Variants in BBS9 observed in about 807,000 individuals in gnomAD.
The protein encoded by BBS9 is protein PTHB1.
BBS9 carries 89 observed loss-of-function variants against 117.7 expected under a neutral mutation model. The ratio of observed to expected loss-of-function variants is 0.76; its 90% CI spans 0.64 to 0.90. The LOEUF (loss-of-function observed/expected upper bound fraction) is 0.90, where lower values mean the gene tolerates loss of function less well. Among genes scored for constraint, BBS9 ranks in the 40% least tolerant of loss-of-function variants. BBS9 has a pLI of 0.00. For missense variants in BBS9, 982 were observed against 1,042.2 expected (o/e 0.94, Z 0.80); for synonymous variants, 379 against 370.9 (o/e 1.02, Z -0.25).
intron 21 of BBS9, among the ~76,000 whole-genome samples, chr7:33,580,154 G>T (rs1859633933): frequency 6.6e-6 from 1 of 151,788 alleles, no homozygotes; most frequent in Non-Finnish European, 1.5e-5. Flanking sequence ...GCCTCTGCTG[G>T]TTAGGTGACT....
At chr7:33,372,747 A>G (rs1047181369) in intron 17 of BBS9, among the ~76,000 whole-genome samples, 1 of 152,094 alleles carries the variant, frequency 6.6e-6, no homozygotes, top group African/African-American at 2.4e-5. Flanking sequence ...TCTTCTTTAA[A>G]TGTTTGATGG....
At chr7:33,347,304 T>C (rs1247295820) in intron 12 of BBS9, among the ~76,000 whole-genome samples, 5 of 152,078 alleles carry the variant, frequency 3.3e-5, no homozygotes, top group African/African-American at 1.2e-4. Context: ...ACTAGTATTA[T>C]ATTATTATAA....
At chr7:33,261,836 C>G (rs1455674797) in intron 6 of BBS9, among the ~76,000 whole-genome samples, 1 of 152,162 alleles carries the variant, frequency 6.6e-6, no homozygotes, top group African/African-American at 2.4e-5. Context: ...CCTTTCTGTT[C>G]TGAGAGACAT....
chr7:33,542,701 G>A (rs200989132), intron 21 of BBS9, among the ~76,000 whole-genome samples: 17,388 of 50,510 alleles, frequency 0.34, 1,228 homozygotes, highest in African/African-American at 0.49. Flanking sequence ...TTATATATAT[G>A]TGTGTGTGTG....
intron 15 of BBS9, among the ~76,000 whole-genome samples, chr7:33,356,623 C>A (rs1357527283): frequency 6.6e-6 from 1 of 151,818 alleles, no homozygotes; most frequent in Admixed American, 6.6e-5. Flanking sequence ...TAATTGACCT[C>A]ATATATCAAT....
intron 21 of BBS9, among the ~76,000 whole-genome samples, chr7:33,627,739 C>A (rs2700679): frequency 0.98 from 148,873 of 152,284 alleles, 72,884 homozygotes; most frequent in Middle Eastern, 1. Flanking sequence ...TTGTTTTAGG[C>A]TTTCTCTAAA....
chr7:33,619,523 T>C (rs1363677483), intron 21 of BBS9, among the ~76,000 whole-genome samples: 1 of 152,060 alleles, frequency 6.6e-6, no homozygotes, highest in Non-Finnish European at 1.5e-5. Flanking sequence ...CAGACATATG[T>C]ATAACATTCC....
intron 9 of BBS9, among the ~76,000 whole-genome samples, chr7:33,321,000 T>C (rs1469875018): frequency 6.6e-6 from 1 of 152,088 alleles, no homozygotes; most frequent in African/African-American, 2.4e-5. Flanking sequence ...TTCCCCAATA[T>C]ATGTTCTTGA....
intron 19 of BBS9, among the ~76,000 whole-genome samples, chr7:33,498,951 G>A (rs1455782863): frequency 3.3e-5 from 5 of 152,146 alleles, no homozygotes; most frequent in African/African-American, 1.2e-4. Context: ...ATTTAACACA[G>A]CAGCTGTACT....
At chr7:33,565,153 C>G (rs777204655) in intron 21 of BBS9, among the ~76,000 whole-genome samples, 8 of 152,106 alleles carry the variant, frequency 5.3e-5, no homozygotes, top group South Asian at 2.1e-4. Flanking sequence ...TTGAGCTAGT[C>G]TTTGGTACAT....
intron 4 of BBS9, among the ~76,000 whole-genome samples, chr7:33,165,520 G>C (rs1198991936): frequency 2.0e-5 from 3 of 150,766 alleles, no homozygotes; most frequent in Non-Finnish European, 4.4e-5. Flanking sequence ...TGGAGGCTTT[G>C]TTCGTTTTTT....
chr7:33,229,301 A>T (rs1387601532), intron 5 of BBS9, among the ~76,000 whole-genome samples: 1 of 151,892 alleles, frequency 6.6e-6, no homozygotes, highest in African/African-American at 2.4e-5. Context: ...TGTTTATTGT[A>T]CATATCTGCT....
chr7:33,625,767 C>A (rs12534049), intron 21 of BBS9, among the ~76,000 whole-genome samples: 9,653 of 152,188 alleles, frequency 0.063, 980 homozygotes, highest in East Asian at 0.39. Flanking sequence ...AAGATACGGT[C>A]ATAAGATATG....
chr7:33,607,447 A>T (rs1406894859), downstream of BBS9, among the ~76,000 whole-genome samples: 1 of 152,164 alleles, frequency 6.6e-6, no homozygotes, highest in African/African-American at 2.4e-5. Context: ...AAATAAGATG[A>T]ATAAAAATTC....
chr7:33,492,219 A>AC lies in BBS9; in HGVS notation c.2116-13244_2116-13243insC, dbSNP rs1432978110. 3.4e-5 allele frequency among the ~76,000 whole-genome samples: 5 copies of AC among 146,278 alleles called. 2 individuals are homozygous for AC. Among genetic ancestry groups the AC allele is most frequent in the African/African-American group, 1.1e-4 (4 of 36,630 alleles). Reference sequence around the variant, plus strand: ...TTCCACCTCGAAAAAAAAAACAAAAAAAAAACAAAAAAAAAACTTGGTTGA... The same window carrying AC: ...TTCCACCTCGAAAAAAAAAACAAAAACAAAAACAAAAAAAAAACTTGGTTGA... On this transcript the variant is annotated intron_variant, in intron 19 of 22. Coordinates refer to ENST00000242067, the MANE Select transcript of BBS9 (RefSeq NM_198428.3).
intron 18 of BBS9, among the ~76,000 whole-genome samples, chr7:33,386,455 C>T (rs1004345170): frequency 5.8e-5 from 8 of 138,350 alleles, no homozygotes; most frequent in East Asian, 2.1e-4. Flanking sequence ...AGCTTGCTTT[C>T]ATTTATTTAT....
chr7:33,168,530 G>T (rs1796042632), intron 4 of BBS9, among the ~76,000 whole-genome samples: 1 of 152,042 alleles, frequency 6.6e-6, no homozygotes, highest in South Asian at 2.1e-4. Context: ...GTTCAAAAGA[G>T]AAATTAAATT....
intron 19 of BBS9, among the ~76,000 whole-genome samples, chr7:33,454,936 C>T (rs936903276): frequency 2.6e-5 from 4 of 152,162 alleles, no homozygotes; most frequent in Admixed American, 2.6e-4. Flanking sequence ...CCAAGGCAAA[C>T]GTTTATCTTT....
intron 21 of BBS9, among the ~76,000 whole-genome samples, chr7:33,622,179 C>T (rs2129223380): frequency 1.3e-5 from 2 of 152,188 alleles, no homozygotes; most frequent in African/African-American, 4.8e-5. Context: ...CATTGCACTC[C>T]AGCCTCGGTG....
Sources: allele counts gnomAD v4.1 joint callset (sites outside exome capture counted in the v4.1 genomes callset), GRCh38; gene constraint gnomAD v4.1.1; transcripts MANE v1.5; gene names NCBI Gene and HGNC (gene_info 2026-07-23, HGNC 2026-07-21).